LAMC2: variants seen among roughly 807,000 people sequenced by gnomAD.
LAMC2 encodes laminin subunit gamma-2.
LAMC2 carries 97 observed loss-of-function variants against 140.2 expected under a neutral mutation model. That is an observed-to-expected ratio of 0.69 (90% CI 0.59 to 0.82). The LOEUF (loss-of-function observed/expected upper bound fraction) is 0.82, where lower values mean the gene tolerates loss of function less well. Ranked by LOEUF, LAMC2 falls within the 40% of genes least tolerant of loss-of-function variation. The pLI is 0.00. For missense variants in LAMC2, 1,402 were observed against 1,476.1 expected (o/e 0.95, Z 0.82); for synonymous variants, 513 against 540.2 (o/e 0.95, Z 0.70).
At position 183,186,342 on chromosome 1, in the gene LAMC2, C is replaced by T; in HGVS notation, c.-11C>T. On this transcript the variant is annotated 5_prime_UTR_variant, in exon 1 of 23. Transcript: ENST00000264144. Reference sequence around the variant, plus strand: ...GCAGCGGAGACAGAGACTGAGCGGCCCGGCCCCGCCATGCCTGCGCTCTGG... The same window carrying T: ...GCAGCGGAGACAGAGACTGAGCGGCTCGGCCCCGCCATGCCTGCGCTCTGG... The T allele has an allele frequency of 6.3e-7, 1 of 1,590,264 alleles. No individual in the cohort carries two copies. The highest frequency in any genetic ancestry group is 1.1e-5 in the South Asian group (1 of 88,566).
intron 15 of LAMC2, among the ~76,000 whole-genome samples, chr1:183,234,816 G>A (rs1659903935): frequency 6.6e-6 from 1 of 152,166 alleles, no homozygotes; most frequent in South Asian, 2.1e-4. Flanking sequence ...AAGTAGCAAC[G>A]AGTTGTTTTT....
intron 1 of LAMC2, among the ~76,000 whole-genome samples, chr1:183,194,431 A>G (rs16860485): frequency 0.17 from 25,594 of 152,106 alleles, 4,256 homozygotes; most frequent in African/African-American, 0.44. Context: ...ATGTAGTGAT[A>G]GCAAAAAATC....
rs1659711676 is a variant in LAMC2, at chr1:183,228,722, C to G, written c.1714+103C>G. 3 of 1,504,978 alleles carry G rather than the reference C, an allele frequency of 2.0e-6. No individual in the cohort carries two copies. In the Admixed American group the frequency reaches 5.0e-5, roughly 25 times the overall value. 93.2% of individuals were successfully genotyped at this position (1,504,978 alleles called of 1,614,324 possible). On this transcript the variant is annotated intron_variant, in intron 11 of 22. Coordinates refer to ENST00000264144, the MANE Select transcript of LAMC2 (RefSeq NM_005562.3). This position sits in a 1 kb window ranked among gnomAD's most constrained non-coding sequence, Gnocchi z 4.3. ...AATGGCAGTTCATATCATGATGTTA[C>G]TTTGATTCTCTGACCAAACTGGCCT...
At chr1:183,214,923 A>G (rs1190056878) in intron 2 of LAMC2, among the ~76,000 whole-genome samples, 2 of 152,188 alleles carry the variant, frequency 1.3e-5, no homozygotes, top group African/African-American at 4.8e-5. Context: ...CACACAGGGT[A>G]CATCTCACTT....
At chr1:183,242,904 G>A (rs910719124) in intron 22 of LAMC2, among the ~76,000 whole-genome samples, 2 of 150,674 alleles carry the variant, frequency 1.3e-5, no homozygotes, top group African/African-American at 2.5e-5. Flanking sequence ...CAGACATCAC[G>A]TTGCTGAACT....
At chr1:183,223,074 G>C in intron 6 of LAMC2, 61 bp from the exon 7 acceptor site, 1 of 1,503,556 alleles carries the variant, frequency 6.7e-7, no homozygotes, top group South Asian at 1.1e-5. Context: ...GTGCAAACTT[G>C]CATGTGTTTG....
chr1:183,237,633 C>A (rs565006304), intron 18 of LAMC2, 129 bp downstream of exon 18: 1 of 934,480 alleles, frequency 1.1e-6, no homozygotes, highest in African/African-American at 1.7e-5. Flanking sequence ...AATCCCCGCA[C>A]TTTTGGAGGC....
At chr1:183,256,770 G>T in the LAMC2 span, among the ~76,000 whole-genome samples, 30 of 152,184 alleles carry the variant, frequency 2.0e-4, no homozygotes, top group Non-Finnish European at 3.4e-4. Context: ...TTTTCTTGTG[G>T]TGTCTTTTTT....
intron 4 of LAMC2, among the ~76,000 whole-genome samples, chr1:183,219,018 T>C (rs1448814567): frequency 6.6e-6 from 1 of 152,206 alleles, no homozygotes; most frequent in Admixed American, 6.5e-5. Flanking sequence ...AAGAGCCCTT[T>C]GGGCCAAGCC....
In LAMC2 at chr1:183,204,927, A is replaced by T. The variant is rs1233412084; in HGVS notation, c.80-2954A>T. 8.6e-5 allele frequency among the ~76,000 whole-genome samples: 13 copies of T among 151,926 alleles called. No individual in the cohort carries two copies. In the East Asian group the frequency reaches 2.5e-3, roughly 29 times the overall value. Reference sequence around the variant, plus strand: ...AACCTCCTCCTCCCAGGTTCAAGTGATTCTCCTGCCTCAGCCTCCCAAGTA... The same window carrying T: ...AACCTCCTCCTCCCAGGTTCAAGTGTTTCTCCTGCCTCAGCCTCCCAAGTA... On this transcript the variant is annotated intron_variant, in intron 1 of 22. Coordinates refer to ENST00000264144, the MANE Select transcript of LAMC2 (RefSeq NM_005562.3).
Position 183,207,865 on chromosome 1 carries a change from T to C in LAMC2, c.80-16T>C, listed in dbSNP as rs781600549. ...TTTTTTTTTTTGACGATCTCTTTTG[T>C]ATGCTTCCTCCCCAGTCTGTGATTG... On this transcript the variant is annotated splice_polypyrimidine_tract_variant and intron_variant, in intron 1 of 22. Coordinates refer to ENST00000264144, the MANE Select transcript of LAMC2 (RefSeq NM_005562.3). 14 of 1,603,746 alleles carry C rather than the reference T, an allele frequency of 8.7e-6. No homozygotes were observed. In the East Asian group the frequency reaches 2.9e-4, roughly 33 times the overall value.
Position 183,235,676 on chromosome 1 carries a change from T to TCGGAAG in LAMC2, c.2412_2417dup (p.Gly806_Ser807dup), listed in dbSNP as rs769761695. On this transcript the variant is annotated inframe_insertion, in exon 16 of 23. Transcript: ENST00000264144. Reference sequence around the variant, plus strand: ...GTGCGCAAGGCCCTGCATGAAGGAGTCGGAAGCGGAAGCGGTAGCCCGGAC... The same window carrying TCGGAAG: ...GTGCGCAAGGCCCTGCATGAAGGAGTCGGAAGCGGAAGCGGAAGCGGTAGCCCGGAC... 58 of 1,613,970 alleles carry TCGGAAG rather than the reference T, an allele frequency of 3.6e-5. No individual in the cohort carries two copies. The highest frequency in any genetic ancestry group is 2.5e-4 in the Admixed American group (15 of 60,022).
intron 5 of LAMC2, among the ~76,000 whole-genome samples, chr1:183,221,328 TAATA>T (rs745691044): frequency 1.8e-4 from 28 of 152,302 alleles, no homozygotes; most frequent in African/African-American, 5.3e-4. Context: ...TTTTCACATA[TAATA>T]AATGAGCTGA....
intron 1 of LAMC2, among the ~76,000 whole-genome samples, chr1:183,198,712 T>C (rs150113237): frequency 1.3e-5 from 2 of 152,288 alleles, no homozygotes; most frequent in Non-Finnish European, 2.9e-5. Context: ...ACTGATCTCA[T>C]GCTCTGAGGC....
chr1:183,232,419 A>T lies in LAMC2; in HGVS notation c.2014+76A>T, dbSNP rs914397538. 5.2e-5 allele frequency: 79 copies of T among 1,515,158 alleles called. 1 individual carries two copies. In the South Asian group the frequency reaches 8.3e-4, roughly 16 times the overall value. The allele number at this position is 1,515,158 out of a possible 1,614,324, so 93.9% of individuals were successfully genotyped here. A position where few individuals can be genotyped will look rare whatever the true frequency, so the allele number is the denominator to read the frequency against. ...AGGAATGGCTACGTTAGGTCATAGA[A>T]TCTTCTATGGATATCAGTTCAGCAG... On this transcript the variant is annotated intron_variant, in intron 13 of 22. Transcript: ENST00000264144.
rs747293315 is a variant in LAMC2, at chr1:183,237,489, A to C, written c.2739A>C (p.Gly913=). The C allele has an allele frequency of 4.3e-6, 7 of 1,613,616 alleles. No homozygotes were observed. Among genetic ancestry groups the C allele is most frequent in the Non-Finnish European group, 5.1e-6 (6 of 1,179,502 alleles). Residue 913 remains glycine, a synonymous_variant, in exon 18 of 23, where the codon GGA becomes GGC. Coordinates refer to ENST00000264144, the MANE Select transcript of LAMC2 (RefSeq NM_005562.3). The part of the protein sequence containing the change: ...KEEAQQLLQN[G]KSGREKSDQL... ...AAGCACAGCAGCTCTTACAGAATGG[A>C]AAAAGTGGGAGAGAGGTATTCTTTT...
chr1:183,186,276 A>T lies in LAMC2; in HGVS notation c.-77A>T. On this transcript the variant is annotated 5_prime_UTR_variant, in exon 1 of 23. Coordinates refer to ENST00000264144, the MANE Select transcript of LAMC2 (RefSeq NM_005562.3). ...GGAAAAGGAAGGCACAGCGGAGCGC[A>T]GAGTGAGAACCACCAACCGAGGCGC... The T allele has an allele frequency of 3.3e-6, 5 of 1,532,684 alleles. No homozygotes were observed. The highest frequency in any genetic ancestry group is 4.4e-6 in the Non-Finnish European group (5 of 1,144,060). 94.9% of individuals were successfully genotyped at this position (1,532,684 alleles called of 1,614,324 possible). A position where few individuals can be genotyped will look rare whatever the true frequency, so the allele number is the denominator to read the frequency against.
chr1:183,197,331 T>C (rs181412138), intron 1 of LAMC2, among the ~76,000 whole-genome samples: 21 of 152,306 alleles, frequency 1.4e-4, no homozygotes, highest in Admixed American at 8.5e-4. Context: ...CAATCATAAG[T>C]TTGGTTTTAA....
downstream of LAMC2, chr1:183,248,120 G>A (rs1558102756): frequency 6.6e-6 from 1 of 152,422 alleles, no homozygotes; most frequent in Admixed American, 6.5e-5. Flanking sequence ...AACCAGGCAG[G>A]AAACTGCTTG....
Sources: allele counts gnomAD v4.1 joint callset (sites outside exome capture counted in the v4.1 genomes callset), GRCh38; gene constraint gnomAD v4.1.1; non-coding constraint Gnocchi (gnomAD v3.1); transcripts MANE v1.5; gene names NCBI Gene and HGNC (gene_info 2026-07-23, HGNC 2026-07-21).